TSBP1: variants seen among roughly 807,000 people sequenced by gnomAD.
The protein encoded by TSBP1 is testis-expressed basic protein 1.
TSBP1 carries 56 observed loss-of-function variants against 68.8 expected under a neutral mutation model. That is an observed-to-expected ratio of 0.81 (90% CI 0.66 to 1.02). TSBP1 has a LOEUF of 1.02. Ranked by LOEUF, TSBP1 falls within the 50% of genes least tolerant of loss-of-function variation. The pLI is 0.00. For missense variants in TSBP1, 502 were observed against 641.2 expected (o/e 0.78, Z 2.34); for synonymous variants, 171 against 208.7 (o/e 0.82, Z 1.56).
intron 19 of TSBP1, among the ~76,000 whole-genome samples, chr6:32,311,582 G>C (rs1766407087): frequency 6.6e-6 from 1 of 152,132 alleles, no homozygotes; most frequent in Non-Finnish European, 1.5e-5. Flanking sequence ...TGACATGATG[G>C]CCAAATTAGC....
At chr6:32,349,629 C>T (rs1487568449) in intron 9 of TSBP1, 111 bp downstream of exon 9, 1 of 664,242 alleles carries the variant, frequency 1.5e-6, no homozygotes, top group Admixed American at 2.7e-5. Context: ...AAATGTGAAG[C>T]TTAAGCTTCT....
intron 17 of TSBP1, 144 bp from the exon 19 acceptor site, chr6:32,323,281 A>G: frequency 1.5e-6 from 1 of 664,406 alleles, no homozygotes; most frequent in Non-Finnish European, 2.7e-6. Flanking sequence ...TTGAGTAAGT[A>G]TTTGGCTCAG....
chr6:32,357,965 G>A lies in TSBP1; in HGVS notation c.218-2296C>T, dbSNP rs925036552. On this transcript the variant is annotated intron_variant, in intron 6 of 22. Coordinates refer to ENST00000612031, the Ensembl canonical transcript of TSBP1. The surrounding 1 kb of genome is among the most constrained non-coding windows in gnomAD (Gnocchi z 4.7). ...CTCTGGGGTGGGGCTGCATTCACTT[G>A]CAGGAAGGAACACCTTTTCCTAATA... Among the ~76,000 whole-genome samples, 2 of 152,200 alleles carry A rather than the reference G, an allele frequency of 1.3e-5. No homozygotes were observed. The highest frequency in any genetic ancestry group is 2.9e-5 in the Non-Finnish European group (2 of 68,036).
At chr6:32,296,745 T>TG (rs1764766363) in intron 22 of TSBP1, among the ~76,000 whole-genome samples, 1 of 152,182 alleles carries the variant, frequency 6.6e-6, no homozygotes, top group African/African-American at 2.4e-5. Flanking sequence ...GGGTAATTAT[T>TG]TGCTACTGTG....
At chr6:32,366,755 TCC>T (rs1275715020) in intron 4 of TSBP1, among the ~76,000 whole-genome samples, 1 of 77,518 alleles carries the variant, frequency 1.3e-5, no homozygotes, top group African/African-American at 5.0e-5. Context: ...AGTGCGAGAC[TCC>T]GTCTCAAAAA....
At chr6:32,318,174 T>C (rs1007949534) in intron 18 of TSBP1, among the ~76,000 whole-genome samples, 7 of 152,186 alleles carry the variant, frequency 4.6e-5, no homozygotes, top group African/African-American at 1.4e-4. Context: ...TGGAGGGCGT[T>C]ATCCTTAGCA....
At chr6:32,324,643 C>A in intron 16 of TSBP1, 1 of 1,550,680 alleles carries the variant, frequency 6.4e-7, no homozygotes. Context: ...ATTCAATGAA[C>A]ACATAGACTT....
At chr6:32,339,229 A>AG (rs113304136) in intron 10 of TSBP1, among the ~76,000 whole-genome samples, 116,352 of 152,056 alleles carry the variant, frequency 0.77, 44,759 homozygotes, top group South Asian at 0.88. Context: ...ATCCTTCTAA[A>AG]GTTATAGATA....
rs1370387393 is a variant in TSBP1, at chr6:32,335,041, A to G, written c.472+396T>C. On this transcript the variant is annotated intron_variant, in intron 14 of 22. Transcript: ENST00000612031. The surrounding 1 kb of genome is among the most constrained non-coding windows in gnomAD (Gnocchi z 5.5). ...AGAGCGAGACTCCATCTCAAAAAAA[A>G]TAAAGAAAGGAAACTTAAAATTTGC... Among the ~76,000 whole-genome samples the G allele has an allele frequency of 1.3e-5, 2 of 152,206 alleles. No homozygotes were observed. The highest frequency in any genetic ancestry group is 2.9e-5 in the Non-Finnish European group (2 of 68,048).
At chr6:32,368,012 T>C in intron 3 of TSBP1, 55 bp from the exon 4 acceptor site, 4 of 1,377,784 alleles carry the variant, frequency 2.9e-6, no homozygotes, top group Non-Finnish European at 2.1e-6. Context: ...AATGAGGCTT[T>C]ATTTAAGACT....
At chr6:32,313,899 G>A (rs1018431) in intron 19 of TSBP1, among the ~76,000 whole-genome samples, 38,089 of 152,014 alleles carry the variant, frequency 0.25, 5,141 homozygotes, top group African/African-American at 0.34. Flanking sequence ...GCTTCTCCGC[G>A]TGGGGAGGCA....
chr6:32,329,505 A>G (rs1294607676), intron 16 of TSBP1, among the ~76,000 whole-genome samples: 1 of 152,248 alleles, frequency 6.6e-6, no homozygotes, highest in African/African-American at 2.4e-5. Flanking sequence ...CAAAAAGGAT[A>G]GTTAGAACCA....
intron 22 of TSBP1, among the ~76,000 whole-genome samples, chr6:32,297,784 T>G (rs1764861784): frequency 1.3e-5 from 2 of 152,218 alleles, no homozygotes; most frequent in South Asian, 4.2e-4. Context: ...CTGGGGCCGA[T>G]GCAGTGGCTC....
In TSBP1 at chr6:32,308,957, C is replaced by CCTTTTTTTTT. The variant is rs1562075680; in HGVS notation, c.581-6329_581-6328insAAAAAAAAAG. Among the ~76,000 whole-genome samples, 2 of 122,048 alleles carry CCTTTTTTTTT rather than the reference C, an allele frequency of 1.6e-5. 1 individual carries two copies. 80.1% of individuals were successfully genotyped at this position (122,048 alleles called of 152,430 possible). Reference sequence around the variant, plus strand: ...TCTCCTTCTCCTTCTTTTCTTCCTGCTTTTTTTTTTTTTTTTTTGACAGGG... The same window carrying CCTTTTTTTTT: ...TCTCCTTCTCCTTCTTTTCTTCCTGCCTTTTTTTTTTTTTTTTTTTTTTTTTTTGACAGGG... On this transcript the variant is annotated intron_variant, in intron 19 of 22. Coordinates refer to ENST00000612031, the Ensembl canonical transcript of TSBP1.
In TSBP1 at chr6:32,300,700, A is replaced by C. The variant is rs771249058; in HGVS notation, c.602T>G (p.Met201Arg). ...CTTACTGATTTTTCCAGAACTGTCC[A>C]CTGAAAGAGATAAAGGCAAACACAT... is the stretch of plus-strand genomic sequence containing the variant. The change falls in exon 21 of 23, where the codon ATG (methionine) becomes AGG (arginine). Residue 201 changes from methionine (M) to arginine (R), a missense_variant and splice_region_variant. Met to Arg is a moderately conservative substitution (Grantham distance 91). Coordinates refer to ENST00000612031, the Ensembl canonical transcript of TSBP1. The C allele has an allele frequency of 3.7e-6, 6 of 1,612,596 alleles. No individual in the cohort carries two copies. The South Asian group carries it at 6.6e-5, about 18-fold the overall frequency.
rs1471454923 is a variant in TSBP1, at chr6:32,343,996, G to A, written c.350-4358C>T. Among the ~76,000 whole-genome samples, 1 of 150,518 alleles carries A rather than the reference G, an allele frequency of 6.6e-6. No individual in the cohort carries two copies. The highest frequency in any genetic ancestry group is 2.5e-5 in the African/African-American group (1 of 40,002). ...TCACTATATTCAGTGGAGAAAGTCT[G>A]GGCATTAGTCTTATTTGTCTTACAT... On this transcript the variant is annotated intron_variant, in intron 9 of 22. Transcript: ENST00000612031. The surrounding 1 kb of genome is among the most constrained non-coding windows in gnomAD (Gnocchi z 4.3).
intron 1 of TSBP1, 131 bp downstream of exon 1, chr6:32,371,563 A>G (rs1774427908): frequency 4.0e-6 from 3 of 751,116 alleles, no homozygotes; most frequent in Non-Finnish European, 4.6e-6. Context: ...AGAGTGAAAG[A>G]AAAAATACTG....
intron 9 of TSBP1, among the ~76,000 whole-genome samples, chr6:32,342,199 C>G (rs2127615330): frequency 6.7e-6 from 1 of 149,248 alleles, no homozygotes; most frequent in Non-Finnish European, 1.5e-5. Context: ...GAGTCTCACT[C>G]TGTCACCCAG....
At chr6:32,364,739 C>A (rs534576161) in intron 6 of TSBP1, among the ~76,000 whole-genome samples, 2 of 151,864 alleles carry the variant, frequency 1.3e-5, no homozygotes, top group African/African-American at 2.4e-5. Flanking sequence ...TTTAGGCAAA[C>A]CTTCATTTTT....
Sources: allele counts gnomAD v4.1 joint callset (sites outside exome capture counted in the v4.1 genomes callset), GRCh38; gene constraint gnomAD v4.1.1; non-coding constraint Gnocchi (gnomAD v3.1); transcripts MANE v1.5; gene names NCBI Gene and HGNC (gene_info 2026-07-23, HGNC 2026-07-21).